NPRL3: variants seen among roughly 807,000 people sequenced by gnomAD.
NPRL3 encodes the protein GATOR1 complex protein NPRL3.
NPRL3 carries 23 observed loss-of-function variants against 57.2 expected under a neutral mutation model. That is an observed-to-expected ratio of 0.40 (90% CI 0.29 to 0.57). The LOEUF (loss-of-function observed/expected upper bound fraction) is 0.57, where lower values mean the gene tolerates loss of function less well. NPRL3 is among the 20% of genes least tolerant of loss of function. The probability of loss-of-function intolerance (pLI) is 0.42; values close to 1 mark genes in which losing one functional copy is unlikely to be tolerated. For missense variants in NPRL3, 691 were observed against 767.1 expected (o/e 0.90, Z 1.17); for synonymous variants, 333 against 321.1 (o/e 1.04, Z -0.39).
At chr16:137,473 A>G (rs1308968583) in intron 2 of NPRL3, among the ~76,000 whole-genome samples, 2 of 151,656 alleles carry the variant, frequency 1.3e-5, no homozygotes, top group Non-Finnish European at 2.9e-5. Flanking sequence ...AGGGCAGACA[A>G]CTCCCAACAC....
At chr16:135,233 C>T (rs886076306) in intron 2 of NPRL3, among the ~76,000 whole-genome samples, 2 of 152,210 alleles carry the variant, frequency 1.3e-5, no homozygotes, top group African/African-American at 4.8e-5. Flanking sequence ...CCTGTTATAA[C>T]TCCAGTTCCA....
intron 5 of NPRL3, among the ~76,000 whole-genome samples, 198 bp from the exon 6 acceptor site, chr16:112,973 A>C (rs1899881697): frequency 6.6e-6 from 1 of 152,148 alleles, no homozygotes; most frequent in African/African-American, 2.4e-5. Flanking sequence ...ATCCATAGAC[A>C]TGTGGGCTGT....
chr16:135,565 G>T (rs7200415), intron 2 of NPRL3, among the ~76,000 whole-genome samples: 9,507 of 146,256 alleles, frequency 0.065, 544 homozygotes, highest in African/African-American at 0.15. Flanking sequence ...GCCAAGATCA[G>T]GCCATTGCAC....
chr16:130,870 T>A (rs1333181886), intron 2 of NPRL3, among the ~76,000 whole-genome samples: 2 of 152,224 alleles, frequency 1.3e-5, no homozygotes, highest in Non-Finnish European at 2.9e-5. Flanking sequence ...TAGCACAGGC[T>A]GGGAGCAGGG....
At position 98,154 on chromosome 16, in the gene NPRL3, G is replaced by A; in HGVS notation, c.915C>T (p.Ala305=). 1 of 1,613,684 alleles carries A rather than the reference G, an allele frequency of 6.2e-7. No individual in the cohort carries two copies. Among genetic ancestry groups the A allele is most frequent in the Non-Finnish European group, 8.5e-7 (1 of 1,179,808 alleles). ...LQQLAQDADL[A]LLQVFQLAAH... ...GCCTCCAGAGCTATACCTGCAGCAA[G>A]GCCAGGTCCGCATCTTGGGCTAGCT... The change falls in exon 9 of 14, where the codon GCC becomes GCT. Residue 305 remains alanine, a synonymous_variant. Transcript: ENST00000611875.
At chr16:116,189 G>C (rs772570549) in intron 5 of NPRL3, among the ~76,000 whole-genome samples, 10 of 152,074 alleles carry the variant, frequency 6.6e-5, no homozygotes, top group Non-Finnish European at 1.0e-4. Context: ...ACTGTTCCCC[G>C]AGGTGAGGGC....
chr16:96,847 G>A (rs1274833089), intron 9 of NPRL3, among the ~76,000 whole-genome samples: 1 of 152,090 alleles, frequency 6.6e-6, no homozygotes, highest in African/African-American at 2.4e-5. Context: ...GATAGATAAA[G>A]GGTCCTGAGA....
intron 8 of NPRL3, among the ~76,000 whole-genome samples, chr16:98,981 A>G (rs1305178794): frequency 1.3e-5 from 2 of 152,138 alleles, no homozygotes; most frequent in Non-Finnish European, 2.9e-5. Flanking sequence ...TCACCCTCGG[A>G]AAAAAACACG....
Position 112,689 on chromosome 16 carries a change from G to A in NPRL3, c.480C>T (p.Cys160=). ...ATVLQHEERR[C]QYLTREAKLI... is the part of the protein sequence containing the mutation. ...GCTTGGCCTCCCGGGTGAGGTACTG[G>A]CAGCGGCGCTCCTCGTGCTGCAGCA... Residue 160 remains cysteine (C), a synonymous_variant, in exon 6 of 14, where the codon TGC becomes TGT. Coordinates refer to ENST00000611875, the MANE Select transcript of NPRL3 (RefSeq NM_001077350.3). 6.2e-7 allele frequency: 1 copy of A among 1,610,320 alleles called. No homozygotes were observed. Among genetic ancestry groups the A allele is most frequent in the Non-Finnish European group, 8.5e-7 (1 of 1,178,328 alleles).
intron 7 of NPRL3, among the ~76,000 whole-genome samples, chr16:101,768 T>A (rs1360784340): frequency 6.6e-6 from 1 of 152,352 alleles, no homozygotes; most frequent in African/African-American, 2.4e-5. Context: ...CAGGTCCCGC[T>A]GTGCTCAGGG....
At chr16:97,387 G>A (rs1899060136) in intron 9 of NPRL3, among the ~76,000 whole-genome samples, 1 of 150,796 alleles carries the variant, frequency 6.6e-6, no homozygotes, top group African/African-American at 2.4e-5. Context: ...TGGGACTACA[G>A]GTGCACGCCA....
chr16:132,367 G>A (rs984747810), intron 2 of NPRL3, among the ~76,000 whole-genome samples: 35 of 152,092 alleles, frequency 2.3e-4, no homozygotes, highest in Admixed American at 5.9e-4. Context: ...AAGTTTTATC[G>A]TGAGACTGCA....
Position 85,498 on chromosome 16 carries a change from C to T in NPRL3, c.*1207G>A, listed in dbSNP as rs867870089. On this transcript the variant is annotated 3_prime_UTR_variant, in exon 14 of 14. Coordinates refer to ENST00000611875, the MANE Select transcript of NPRL3 (RefSeq NM_001077350.3). ...GCACCCTCCGGAAAGGCACCGCCAG[C>T]CGTGTCCTCAAGGACCGCGAGCTCT... 2 of 1,613,328 alleles carry T rather than the reference C, an allele frequency of 1.2e-6. No homozygotes were observed. Among genetic ancestry groups the T allele is most frequent in the South Asian group, 1.1e-5 (1 of 91,074 alleles).
At chr16:88,529 G>A (rs1343788049) in intron 13 of NPRL3, among the ~76,000 whole-genome samples, 169 bp downstream of exon 13, 1 of 152,126 alleles carries the variant, frequency 6.6e-6, no homozygotes, top group Non-Finnish European at 1.5e-5. Context: ...CGAACCCTCA[G>A]GCCTGGGCAG....
intron 5 of NPRL3, among the ~76,000 whole-genome samples, chr16:114,424 C>T (rs1441790807): frequency 3.3e-5 from 5 of 152,220 alleles, no homozygotes; most frequent in South Asian, 2.1e-4. Flanking sequence ...TAAGGCATCA[C>T]GCATGAGACT....
At chr16:103,494 A>T (rs527776136) in intron 7 of NPRL3, among the ~76,000 whole-genome samples, 6 of 151,782 alleles carry the variant, frequency 4.0e-5, no homozygotes, top group African/African-American at 1.5e-4. Flanking sequence ...GGCTGTTGGG[A>T]CACCACAGAA....
intron 2 of NPRL3, 47 bp downstream of exon 2, chr16:138,103 T>C (rs746403590): frequency 6.8e-7 from 1 of 1,465,570 alleles, no homozygotes; most frequent in Non-Finnish European, 9.3e-7. Context: ...GACCCCGGAA[T>C]GAGGCGGCCC....
At chr16:88,575 C>G (rs137873353) in intron 13 of NPRL3, 123 bp downstream of exon 13, 2 of 885,274 alleles carry the variant, frequency 2.3e-6, no homozygotes, top group Non-Finnish European at 3.5e-6. Context: ...TGCAGAGACT[C>G]CATCTCGAAC....
chr16:86,682 A>G lies in NPRL3; in HGVS notation c.*23T>C, dbSNP rs757103603. Reference sequence around the variant, plus strand: ...CGAGCGCCCACCTGCGCACCCCAGCAGCCTTCCGCCCTCCGCCTGGGCTCA... The same window carrying G: ...CGAGCGCCCACCTGCGCACCCCAGCGGCCTTCCGCCCTCCGCCTGGGCTCA... On this transcript the variant is annotated 3_prime_UTR_variant, in exon 14 of 14. Coordinates refer to ENST00000611875, the MANE Select transcript of NPRL3 (RefSeq NM_001077350.3). 6.5e-6 allele frequency: 10 copies of G among 1,537,978 alleles called. No homozygotes were observed. In the Admixed American group the frequency reaches 2.0e-4, roughly 30 times the overall value.
Sources: gnomAD v4.1 joint callset for allele counts (sites outside exome capture counted in the v4.1 genomes callset) on GRCh38, gnomAD v4.1.1 for gene constraint, MANE v1.5 for transcripts, NCBI Gene and HGNC (gene_info 2026-07-23, HGNC 2026-07-21) for gene names.